PVT1: variants seen among roughly 807,000 people sequenced by gnomAD.
The protein encoded by PVT1 is Pvt1 oncogene.
intron 2 of PVT1, among the ~76,000 whole-genome samples, chr8:127,875,836 G>C (rs992441567): frequency 3.3e-5 from 5 of 152,250 alleles, no homozygotes; most frequent in Non-Finnish European, 7.3e-5. Context: ...ATGGAGCTCA[G>C]TAAGGGCAGG....
At chr8:127,848,549 G>A (rs1386841372) in intron 2 of PVT1, among the ~76,000 whole-genome samples, 1 of 152,174 alleles carries the variant, frequency 6.6e-6, no homozygotes, top group Admixed American at 6.5e-5. Context: ...CGGGCGTGGT[G>A]GCACATGCCT....
At chr8:128,060,332 T>C (rs1813815738) in intron 4 of PVT1, among the ~76,000 whole-genome samples, 1 of 152,136 alleles carries the variant, frequency 6.6e-6, no homozygotes, top group Admixed American at 6.5e-5. Flanking sequence ...CTTCCACCAC[T>C]CTAGTCTCCT....
intron 3 of PVT1, chr8:127,948,143 G>C (rs1001453082): frequency 8.2e-6 from 3 of 366,028 alleles, no homozygotes; most frequent in African/African-American, 2.1e-5. Flanking sequence ...GTGACTTCCC[G>C]TCTGTTTTAT....
At chr8:128,074,282 G>A (rs2648886) in intron 5 of PVT1, among the ~76,000 whole-genome samples, 35,784 of 151,932 alleles carry the variant, frequency 0.24, 4,457 homozygotes, top group East Asian at 0.39. Flanking sequence ...CAAGATGGGT[G>A]GATCACAAGG....
chr8:128,054,807 C>T (rs1050251811), intron 4 of PVT1, among the ~76,000 whole-genome samples: 4 of 152,210 alleles, frequency 2.6e-5, no homozygotes, highest in Non-Finnish European at 4.4e-5. Context: ...TGGTTAATTC[C>T]ATCTGTCACC....
chr8:128,085,588 T>G (rs1280433309), intron 5 of PVT1, among the ~76,000 whole-genome samples: 1 of 152,200 alleles, frequency 6.6e-6, no homozygotes, highest in Non-Finnish European at 1.5e-5. Flanking sequence ...AAAGCAAGTT[T>G]TGTCCAAAAC....
intron 4 of PVT1, among the ~76,000 whole-genome samples, chr8:128,041,748 C>T (rs1813548449): frequency 6.6e-6 from 1 of 152,042 alleles, no homozygotes; most frequent in African/African-American, 2.4e-5. Context: ...GGTTGCTGAG[C>T]ACTTGCTATG....
At chr8:128,059,197 G>T (rs893510495) in intron 4 of PVT1, among the ~76,000 whole-genome samples, 1 of 152,178 alleles carries the variant, frequency 6.6e-6, no homozygotes, top group Non-Finnish European at 1.5e-5. Context: ...GCTTTTTCAT[G>T]TGAGAACCCC....
chr8:127,830,453 T>G (rs1814836946), intron 2 of PVT1, among the ~76,000 whole-genome samples: 1 of 148,528 alleles, frequency 6.7e-6, no homozygotes, highest in East Asian at 2.0e-4. Flanking sequence ...CAGGAGAGAG[T>G]GATGTGGCCT....
chr8:127,999,318 A>G (rs572889677), intron 4 of PVT1: 2 of 152,302 alleles, frequency 1.3e-5, no homozygotes, highest in Admixed American at 1.3e-4. Context: ...AAATAAATAA[A>G]TACATAAATA....
intron 4 of PVT1, among the ~76,000 whole-genome samples, chr8:128,039,185 G>A (rs1391741402): frequency 6.6e-6 from 1 of 152,194 alleles, no homozygotes; most frequent in African/African-American, 2.4e-5. Flanking sequence ...AATAGTAGCT[G>A]CTTGGCAGGG....
intron 5 of PVT1, among the ~76,000 whole-genome samples, chr8:128,091,545 T>C (rs530126211): frequency 6.6e-6 from 1 of 152,264 alleles, no homozygotes; most frequent in South Asian, 2.1e-4. Context: ...TTTCCTTTCT[T>C]CTTCATTCGT....
chr8:127,936,953 A>G (rs1214173625), intron 3 of PVT1, among the ~76,000 whole-genome samples: 1 of 152,246 alleles, frequency 6.6e-6, no homozygotes, highest in East Asian at 1.9e-4. Flanking sequence ...GTATGTTCAC[A>G]TATGTGCCTT....
chr8:128,012,711 G>T (rs182503391), intron 4 of PVT1, among the ~76,000 whole-genome samples: 3 of 152,068 alleles, frequency 2.0e-5, no homozygotes, highest in African/African-American at 7.2e-5. Context: ...GCAATTTCTC[G>T]GCTGCTCCTC....
intron 4 of PVT1, among the ~76,000 whole-genome samples, chr8:128,029,907 G>A (rs988551666): frequency 5.9e-5 from 9 of 152,220 alleles, no homozygotes; most frequent in Admixed American, 3.9e-4. Context: ...CCAGCAGCTT[G>A]AGACCAGCCT....
intron 2 of PVT1, among the ~76,000 whole-genome samples, chr8:127,837,721 A>G (rs1259861943): frequency 2.0e-5 from 3 of 152,072 alleles, no homozygotes; most frequent in Admixed American, 1.3e-4. Context: ...AGCGATGGGG[A>G]AACGGAGCCA....
At chr8:128,043,211 A>G (rs1452946623) in intron 4 of PVT1, among the ~76,000 whole-genome samples, 1 of 152,142 alleles carries the variant, frequency 6.6e-6, no homozygotes, top group African/African-American at 2.4e-5. Context: ...TTGGACTTTG[A>G]ATATAATGAA....
At position 127,898,074 on chromosome 8, in the gene PVT1, A is replaced by C. The variant is rs1815708898; in HGVS notation, n.782+7076A>C. 6.6e-6 allele frequency among the ~76,000 whole-genome samples: 1 copy of C among 151,202 alleles called. No individual in the cohort carries two copies. The highest frequency in any genetic ancestry group is 1.5e-5 in the Non-Finnish European group (1 of 67,788). ...GTACCTGCGTGAAGAAAGAAAAGAAAAGAAAGAAAAGGGAAGGAAGGAAGG... is the reference window on the plus strand; with the variant it reads ...GTACCTGCGTGAAGAAAGAAAAGAACAGAAAGAAAAGGGAAGGAAGGAAGG... On this transcript the variant is annotated intron_variant and non_coding_transcript_variant, in intron 3 of 10. Transcript: ENST00000651587. This position sits in a 1 kb window ranked among gnomAD's most constrained non-coding sequence, Gnocchi z 4.4.
In PVT1 at chr8:127,937,576, C is replaced by G. The variant is rs1228287973; in HGVS notation, n.782+46578C>G. 7.3e-3 allele frequency among the ~76,000 whole-genome samples: 895 copies of G among 122,234 alleles called. 7 individuals carry two copies. Among genetic ancestry groups the G allele is most frequent in the African/African-American group, 0.021 (660 of 31,602 alleles). 80.2% of individuals were successfully genotyped at this position (122,234 alleles called of 152,430 possible). A position where few individuals can be genotyped will look rare whatever the true frequency, so the allele number is the denominator to read the frequency against. Reference sequence around the variant, plus strand: ...ACACACACACACACACACACACACACACACAGAGAGAGAGAGAGAGAGAGA... The same window carrying G: ...ACACACACACACACACACACACACAGACACAGAGAGAGAGAGAGAGAGAGA... On this transcript the variant is annotated intron_variant and non_coding_transcript_variant, in intron 3 of 10. Transcript: ENST00000651587.
Sources: gnomAD v4.1 joint callset for allele counts (sites outside exome capture counted in the v4.1 genomes callset) on GRCh38, gnomAD v4.1.1 for gene constraint, Gnocchi (gnomAD v3.1) non-coding constraint, MANE v1.5 for transcripts, NCBI Gene and HGNC (gene_info 2026-07-23, HGNC 2026-07-21) for gene names.